The following SPG11 variants were observed in gnomAD, a reference collection of about 807,000 sequenced individuals.
The protein encoded by SPG11 is SPG11 vesicle trafficking associated, spatacsin, also known as spatacsin.
SPG11 carries 222 observed loss-of-function variants against 274.0 expected under a neutral mutation model. That is an observed-to-expected ratio of 0.81 (90% CI 0.73 to 0.91). The LOEUF (loss-of-function observed/expected upper bound fraction) is 0.91, where lower values mean the gene tolerates loss of function less well. Among genes scored for constraint, SPG11 ranks in the 40% least tolerant of loss-of-function variants. The probability of loss-of-function intolerance (pLI) is 0.00; values close to 1 mark genes in which losing one functional copy is unlikely to be tolerated. For missense variants in SPG11, 3,114 were observed against 2,872.7 expected (o/e 1.08, Z -1.92); for synonymous variants, 1,144 against 1,039.7 (o/e 1.10, Z -1.93).
At chr15:44,594,710 C>A (rs927271082) in intron 26 of SPG11, among the ~76,000 whole-genome samples, 18 of 151,498 alleles carry the variant, frequency 1.2e-4, no homozygotes, top group African/African-American at 4.4e-4. Flanking sequence ...CTGGAGTGAG[C>A]CTTATTATGA....
intron 4 of SPG11, among the ~76,000 whole-genome samples, chr15:44,654,504 T>A (rs886352580): frequency 6.8e-6 from 1 of 147,598 alleles, no homozygotes; most frequent in South Asian, 2.1e-4. Flanking sequence ...CAAGACTCCA[T>A]CTCAAAATTA....
intron 21 of SPG11, among the ~76,000 whole-genome samples, chr15:44,599,702 A>C (rs1452964406): frequency 1.3e-5 from 2 of 152,220 alleles, no homozygotes; most frequent in African/African-American, 4.8e-5. Flanking sequence ...ACCATAAAAA[A>C]GGTATTACTT....
chr15:44,646,424 G>C (rs1399192009), intron 7 of SPG11, among the ~76,000 whole-genome samples: 2 of 152,180 alleles, frequency 1.3e-5, no homozygotes, highest in Non-Finnish European at 2.9e-5. Flanking sequence ...GTGGCAGAGA[G>C]AGTACAGGGG....
At chr15:44,633,921 C>A (rs556025818) in intron 7 of SPG11, among the ~76,000 whole-genome samples, 1 of 152,156 alleles carries the variant, frequency 6.6e-6, no homozygotes, top group South Asian at 2.1e-4. Flanking sequence ...TCAATGCAAC[C>A]TTTATCTCTC....
intron 11 of SPG11, among the ~76,000 whole-genome samples, chr15:44,623,342 T>C (rs375688329): frequency 5.3e-5 from 8 of 152,154 alleles, no homozygotes; most frequent in East Asian, 1.9e-4. Context: ...TTTAAGGCAA[T>C]GCTAGGCTAC....
chr15:44,661,590 T>A (rs1013956507), intron 1 of SPG11, among the ~76,000 whole-genome samples: 9 of 152,168 alleles, frequency 5.9e-5, no homozygotes, highest in African/African-American at 2.2e-4. Flanking sequence ...TTTTATACTA[T>A]TATAGTATTA....
In SPG11 at chr15:44,600,498, C is replaced by T. The variant is rs1325768263; in HGVS notation, c.3655G>A (p.Glu1219Lys). ...SFAFGTFLVQ[E>K]LIKSKTPKQL... ...TTGGGAGTCTTGCTCTTGATTAATT[C>T]CTGGACCAGAAAAGTACCAAATGCA... Residue 1219 changes from glutamate to lysine, a missense_variant, in exon 21 of 40, where the codon GAA becomes AAA. Transcript: ENST00000261866. 2.5e-6 allele frequency: 4 copies of T among 1,614,066 alleles called. No homozygotes were observed. In the South Asian group the frequency reaches 4.4e-5, roughly 18 times the overall value.
intron 19 of SPG11, among the ~76,000 whole-genome samples, chr15:44,607,027 G>T (rs1437956976): frequency 6.6e-6 from 1 of 152,108 alleles, no homozygotes; most frequent in Non-Finnish European, 1.5e-5. Flanking sequence ...CAAAGTGCTG[G>T]TCTAAAACAA....
At position 44,595,286 on chromosome 15, in the gene SPG11, G is replaced by C; in HGVS notation, c.4608C>G (p.Leu1536=). 1 of 1,614,230 alleles carries C rather than the reference G, an allele frequency of 6.2e-7. No individual in the cohort carries two copies. The highest frequency in any genetic ancestry group is 8.5e-7 in the Non-Finnish European group (1 of 1,180,030). ...TLLTRQKSKT[L]IRGFQLFFKD... ...TAAAGAAAAGCTGGAAACCTCTGAT[G>C]AGAGTTTTGCTCTTTTGTCTTGTTA... The change falls in exon 26 of 40, where the codon CTC becomes CTG. Residue 1536 remains leucine (L), a synonymous_variant. Transcript: ENST00000261866.
intron 1 of SPG11, among the ~76,000 whole-genome samples, 192 bp from the exon 2 acceptor site, chr15:44,660,808 A>G (rs1230335076): frequency 6.6e-6 from 1 of 152,164 alleles, no homozygotes; most frequent in Non-Finnish European, 1.5e-5. Context: ...TTACACCAAC[A>G]CGAAAATACA....
chr15:44,568,639 A>C (rs943009205), intron 35 of SPG11, among the ~76,000 whole-genome samples: 10 of 152,300 alleles, frequency 6.6e-5, no homozygotes, highest in African/African-American at 2.4e-4. Flanking sequence ...ATCATCATAA[A>C]TGGCTCCACA....
intron 7 of SPG11, among the ~76,000 whole-genome samples, chr15:44,637,305 T>C (rs956971152): frequency 2.6e-5 from 4 of 152,108 alleles, no homozygotes; most frequent in Non-Finnish European, 4.4e-5. Flanking sequence ...AAATGGAAGA[T>C]ACATTTTGTT....
intron 17 of SPG11, among the ~76,000 whole-genome samples, chr15:44,612,278 G>C (rs2083480359): frequency 6.6e-6 from 1 of 152,176 alleles, no homozygotes; most frequent in Admixed American, 6.5e-5. Context: ...AAATACAATA[G>C]AGACTAAGTT....
intron 7 of SPG11, among the ~76,000 whole-genome samples, chr15:44,640,409 A>T: frequency 6.6e-6 from 1 of 152,212 alleles, no homozygotes; most frequent in Non-Finnish European, 1.5e-5. Context: ...GGATATAAAG[A>T]TTAAATATCC....
At chr15:44,576,627 C>A (rs551232147) in intron 30 of SPG11, among the ~76,000 whole-genome samples, 1 of 147,524 alleles carries the variant, frequency 6.8e-6, no homozygotes, top group Non-Finnish European at 1.5e-5. Flanking sequence ...CCAGCCTGGG[C>A]GACAGAGCGA....
At chr15:44,602,640 G>A (rs1290370635) in intron 20 of SPG11, among the ~76,000 whole-genome samples, 2 of 151,826 alleles carry the variant, frequency 1.3e-5, no homozygotes, top group Non-Finnish European at 2.9e-5. Context: ...CACAATACCT[G>A]GCTAATTTTT....
chr15:44,646,598 T>A (rs112234220), intron 7 of SPG11, among the ~76,000 whole-genome samples: 1 of 152,192 alleles, frequency 6.6e-6, no homozygotes, highest in Non-Finnish European at 1.5e-5. Flanking sequence ...CCATATCAAC[T>A]GGATAAAGAA....
At position 44,648,909 on chromosome 15, in the gene SPG11, A is replaced by T; in HGVS notation, c.1559T>A (p.Leu520His). 2 of 1,614,138 alleles carry T rather than the reference A, an allele frequency of 1.2e-6. No homozygotes were observed. The highest frequency in any genetic ancestry group is 1.7e-6 in the Non-Finnish European group (2 of 1,179,996). The change falls in exon 7 of 40, where the codon CTC becomes CAC. Residue 520 changes from leucine (L) to histidine (H), a missense_variant. By Grantham distance (99) the Leu-to-His change is moderately conservative. Transcript: ENST00000261866. ...SASTVDTLCH[L>H]NGWGRCSIPI... ...AATTGAGCACCTTCCCCAGCCATTG[A>T]GATGACAAAGAGTGTCCACAGTGCT...
At position 44,625,415 on chromosome 15, in the gene SPG11, G is replaced by A. The variant is rs113159522; in HGVS notation, c.2244+916C>T. 7.4e-3 allele frequency among the ~76,000 whole-genome samples: 1,123 copies of A among 152,200 alleles called. 6 individuals are homozygous for A. The highest frequency in any genetic ancestry group is 0.014 in the Admixed American group (210 of 15,274). On this transcript the variant is annotated intron_variant, in intron 11 of 39. Coordinates refer to ENST00000261866, the MANE Select transcript of SPG11 (RefSeq NM_025137.4). ...TGTTGGGAGGTGACTGGATCATGGG[G>A]GCGGATTTCCCCCTTGCTGTTTTTG...
Sources: gnomAD v4.1 joint callset for allele counts (sites outside exome capture counted in the v4.1 genomes callset) on GRCh38, gnomAD v4.1.1 for gene constraint, MANE v1.5 for transcripts, NCBI Gene and HGNC (gene_info 2026-07-23, HGNC 2026-07-21) for gene names.